The following IGHMBP2 variants were observed in gnomAD, a reference collection of about 807,000 sequenced individuals.
IGHMBP2 encodes the protein DNA-binding protein SMUBP-2.
IGHMBP2 carries 81 observed loss-of-function variants against 96.0 expected under a neutral mutation model. That is an observed-to-expected ratio of 0.84 (90% CI 0.71 to 1.01). IGHMBP2 has a LOEUF of 1.01. Ranked by LOEUF, IGHMBP2 falls within the 50% of genes least tolerant of loss-of-function variation. The pLI is 0.00. For synonymous variants in IGHMBP2, 557 were observed against 548.9 expected (o/e 1.01, Z -0.21); for missense variants, 1,227 against 1,306.3 (o/e 0.94, Z 0.94).
chr11:68,904,803 C>CTTTTCTTTTTTTTTTTTTTTTTTTTT (rs892709461), intron 1 of IGHMBP2, among the ~76,000 whole-genome samples: 6 of 120,996 alleles, frequency 5.0e-5, no homozygotes, highest in Non-Finnish European at 8.6e-5. Flanking sequence ...TTTTCTTTTT[C>CTTTTCTTTTTTTTTTTTTTTTTTTTT]TTTTTTTTTT....
chr11:68,933,703 C>T (rs1859407791), intron 9 of IGHMBP2, 92 bp from the exon 10 acceptor site: 1 of 1,129,774 alleles, frequency 8.9e-7, no homozygotes, highest in African/African-American at 1.5e-5. Context: ...CTACCTAAGC[C>T]TTTTCCTCGT....
chr11:68,904,620 A>G (rs2924701), intron 1 of IGHMBP2, among the ~76,000 whole-genome samples: 115,191 of 151,674 alleles, frequency 0.76, 44,710 homozygotes, highest in Non-Finnish European at 0.84. Flanking sequence ...GTGGGTGCGG[A>G]GTAGGGTGGG....
intron 8 of IGHMBP2, chr11:68,929,977 C>CCA: frequency 9.9e-7 from 1 of 1,010,996 alleles, no homozygotes; most frequent in Non-Finnish European, 1.2e-6. Flanking sequence ...GCCCCCCCAG[C>CCA]CCCCCTCTCA....
chr11:68,911,662 AG>A (rs1243930641), intron 5 of IGHMBP2, 59 bp downstream of exon 5: 12 of 1,535,246 alleles, frequency 7.8e-6, no homozygotes, highest in African/African-American at 1.4e-5. Context: ...TGTTGTGTTC[AG>A]TGGGTGCTCA....
At chr11:68,933,630 C>G (rs1431458127) in intron 9 of IGHMBP2, 149 bp downstream of exon 9, 2 of 1,122,470 alleles carry the variant, frequency 1.8e-6, no homozygotes, top group African/African-American at 3.1e-5. Flanking sequence ...TGGCCTTGCC[C>G]TGGAGAGCTG....
At chr11:68,927,237 T>C (rs968598436) in intron 7 of IGHMBP2, among the ~76,000 whole-genome samples, 1 of 152,394 alleles carries the variant, frequency 6.6e-6, no homozygotes, top group East Asian at 1.9e-4. Flanking sequence ...CACTTGTTGT[T>C]TGTTTAGTGA....
At chr11:68,904,615 T>C (rs999641880) in intron 1 of IGHMBP2, among the ~76,000 whole-genome samples, 3 of 151,572 alleles carry the variant, frequency 2.0e-5, no homozygotes, top group Non-Finnish European at 4.4e-5. Context: ...AGCTGGTGGG[T>C]GCGGAGTAGG....
chr11:68,922,582 GACGGGGTTTC>G (rs1594437376), intron 7 of IGHMBP2, among the ~76,000 whole-genome samples: 1 of 152,216 alleles, frequency 6.6e-6, no homozygotes, highest in East Asian at 1.9e-4. Flanking sequence ...TTTTAGTAGA[GACGGGGTTTC>G]ACCACATTGG....
chr11:68,929,663 G>T, intron 8 of IGHMBP2: 1 of 877,064 alleles, frequency 1.1e-6, no homozygotes, highest in Non-Finnish European at 1.4e-6. Context: ...AACCAGGCAG[G>T]TTTGATGGTA....
At chr11:68,939,506 C>T (rs745353355) in intron 14 of IGHMBP2, 28 bp from the exon 15 acceptor site, 2 of 1,610,388 alleles carry the variant, frequency 1.2e-6, no homozygotes, top group Non-Finnish European at 1.7e-6. Context: ...CCCTGTGAGC[C>T]CAGCAGTGAT....
Position 68,908,232 on chromosome 11 carries a change from C to T in IGHMBP2, c.344C>T (p.Thr115Met), listed in dbSNP as rs181657861. The change falls in exon 3 of 15, where the codon ACG becomes ATG. Residue 115 changes from threonine to methionine, a missense_variant. Around this residue, in one of 3 missense-constraint regions of IGHMBP2, gnomAD observed 507 missense variants for 496.9 expected, o/e 1.02. Coordinates refer to ENST00000255078, the MANE Select transcript of IGHMBP2 (RefSeq NM_002180.3). The stretch of plus-strand genomic sequence containing the variant: ...ACCCGGGTCACCCAGAAGTCGGTCA[C>T]GGTGGCCTTTGATGAGTCCCACGAT... ...ILTRVTQKSV[T>M]VAFDESHDFQ... 3.2e-4 allele frequency: 519 copies of T among 1,614,054 alleles called. 1 individual carries two copies. The East Asian group carries it at 8.1e-3, about 25-fold the overall frequency.
intron 7 of IGHMBP2, among the ~76,000 whole-genome samples, chr11:68,918,413 G>C (rs369984819): frequency 6.6e-6 from 1 of 151,848 alleles, no homozygotes; most frequent in African/African-American, 2.4e-5. Flanking sequence ...ATGCCAATGC[G>C]GGTGGATCAC....
intron 7 of IGHMBP2, among the ~76,000 whole-genome samples, chr11:68,927,959 G>T (rs371918955): frequency 8.5e-5 from 13 of 152,192 alleles, no homozygotes; most frequent in African/African-American, 3.1e-4. Flanking sequence ...CCGAGCTCCC[G>T]TGCTGACGGG....
rs537896804 is a variant in IGHMBP2 at position 68,910,709 on chromosome 11, C to G, written c.548-731C>G. Among the ~76,000 whole-genome samples the G allele has an allele frequency of 8.5e-5, 13 of 152,120 alleles. No homozygotes were observed. The South Asian group carries it at 2.5e-3, about 29-fold the overall frequency. ...CCATCCTGGCCAACACGGTGAATCC[C>G]CGTCTCTACTAACAACACAAAAAAT... is the stretch of plus-strand genomic sequence containing the variant. On this transcript the variant is annotated intron_variant, in intron 4 of 14. Transcript: ENST00000255078.
chr11:68,933,688 C>A, intron 9 of IGHMBP2, 107 bp from the exon 10 acceptor site: 1 of 1,042,956 alleles, frequency 9.6e-7, no homozygotes, highest in African/African-American at 1.6e-5. Flanking sequence ...GCTCATTGTC[C>A]TCCCCTACCT....
chr11:68,908,600 C>A lies in IGHMBP2; in HGVS notation c.516C>A (p.Gly172=). ...PASSLIEVLF[G]RSAPSPASEI... ...CCTCACTCATAGAAGTGCTCTTTGG[C>A]AGATCTGCTCCCAGTCCTGCCAGTG... The change falls in exon 4 of 15, where the codon GGC becomes GGA. Residue 172 remains glycine (G), a synonymous_variant. Coordinates refer to ENST00000255078, the MANE Select transcript of IGHMBP2 (RefSeq NM_002180.3). 2 of 1,613,562 alleles carry A rather than the reference C, an allele frequency of 1.2e-6. No individual in the cohort carries two copies. The highest frequency in any genetic ancestry group is 3.3e-5 in the Admixed American group (2 of 60,014).
intron 7 of IGHMBP2, among the ~76,000 whole-genome samples, chr11:68,918,858 ATTG>A (rs1566433279): frequency 6.6e-6 from 1 of 151,724 alleles, no homozygotes; most frequent in African/African-American, 2.4e-5. Context: ...CTTTTTCTCT[ATTG>A]TTTTTCTGTT....
At chr11:68,931,875 T>C (rs1859317212) in intron 8 of IGHMBP2, among the ~76,000 whole-genome samples, 1 of 152,048 alleles carries the variant, frequency 6.6e-6, no homozygotes. Flanking sequence ...GGGAGTAGGA[T>C]GGTTTCGGGG....
rs2228207 is a variant in IGHMBP2, at chr11:68,937,012, G to A, written c.2532G>A (p.Ala844=). ...HLERLQRVRS[A]QGQPASKEQQ... is the part of the protein sequence containing the mutation. ...AGAGACTGCAGAGGGTCAGGAGCGC[G>A]CAGGGGCAGCCCGCCAGCAAGGAGC... Residue 844 remains alanine (A), a synonymous_variant, in exon 13 of 15, where the codon GCG becomes GCA. Transcript: ENST00000255078. The A allele has an allele frequency of 1.4e-3, 2,195 of 1,608,480 alleles. 26 individuals carry two copies. The African/African-American group carries it at 0.025, about 19-fold the overall frequency.
Sources: allele counts gnomAD v4.1 joint callset (sites outside exome capture counted in the v4.1 genomes callset), GRCh38; gene constraint gnomAD v4.1.1; regional missense constraint gnomAD v4.1.1; transcripts MANE v1.5; gene names NCBI Gene and HGNC (gene_info 2026-07-23, HGNC 2026-07-21).